CDKL5: variants seen among roughly 807,000 people sequenced by gnomAD.
The protein encoded by CDKL5 is cyclin-dependent kinase-like 5.
A neutral mutation model predicts 61.7 loss-of-function variants in CDKL5; 8 were observed. That is an observed-to-expected ratio of 0.13 (90% CI 0.08 to 0.23). CDKL5 has a LOEUF of 0.23. Among genes scored for constraint, CDKL5 ranks in the 10% least tolerant of loss-of-function variants. The probability of loss-of-function intolerance (pLI) is 1.00; values close to 1 mark genes in which losing one functional copy is unlikely to be tolerated. For synonymous variants in CDKL5, 275 were observed against 272.3 expected, an observed-to-expected ratio of 1.01 and a Z score of -0.10; for missense variants, 440 against 734.5, an observed-to-expected ratio of 0.60 and a Z score of 4.63.
intron 9 of CDKL5, among the ~76,000 whole-genome samples, chrX:18,590,923 T>G (rs762945838): frequency 8.9e-6 from 1 of 111,733 alleles, no homozygotes; most frequent in Non-Finnish European, 1.9e-5. Flanking sequence ...TGACCTCATC[T>G]CGTACCTATC....
chrX:18,527,745 C>T (rs1362205626), intron 3 of CDKL5, among the ~76,000 whole-genome samples: 3 of 110,647 alleles, frequency 2.7e-5, no homozygotes, highest in Non-Finnish European at 5.7e-5. Flanking sequence ...TTTTCTTCTC[C>T]GTGTTTTAGG....
chrX:18,481,865 G>A (rs904175221), intron 1 of CDKL5, among the ~76,000 whole-genome samples: 10 of 110,633 alleles, frequency 9.0e-5, no homozygotes, highest in Non-Finnish European at 1.9e-4. Flanking sequence ...CTGCTTGACC[G>A]GAATAGTTCC....
At chrX:18,436,432 CTG>C (rs765977679) in intron 1 of CDKL5, among the ~76,000 whole-genome samples, 2 of 111,420 alleles carry the variant, frequency 1.8e-5, no homozygotes, top group Non-Finnish European at 3.8e-5. Flanking sequence ...GTTGGAGAGT[CTG>C]TCCTTGGGGG....
chrX:18,534,997 C>T (rs1455753778), intron 3 of CDKL5: 2 of 112,058 alleles, frequency 1.8e-5, no homozygotes, highest in Non-Finnish European at 3.8e-5. Flanking sequence ...TTTACTTAGT[C>T]CCCCAATGAG....
intron 1 of CDKL5, among the ~76,000 whole-genome samples, chrX:18,474,965 T>G (rs776444453): frequency 4.7e-5 from 5 of 107,522 alleles, no homozygotes; most frequent in African/African-American, 1.7e-4. Context: ...GTTTTTTGGT[T>G]TTTTTTTTTT....
intron 4 of CDKL5, among the ~76,000 whole-genome samples, chrX:18,571,128 C>G (rs1012089287): frequency 3.6e-5 from 4 of 111,335 alleles, no homozygotes; most frequent in African/African-American, 1.3e-4. Flanking sequence ...GATGATGGAC[C>G]TCAGGCTCAA....
intron 4 of CDKL5, among the ~76,000 whole-genome samples, chrX:18,568,918 C>T (rs1240637959): frequency 9.0e-6 from 1 of 111,259 alleles, no homozygotes; most frequent in East Asian, 2.8e-4. Flanking sequence ...TGGTCTCAAA[C>T]TCCTGGGATC....
intron 1 of CDKL5, among the ~76,000 whole-genome samples, chrX:18,480,873 T>A (rs1215632687): frequency 7.2e-4 from 71 of 99,206 alleles, no homozygotes; most frequent in African/African-American, 2.4e-3. Context: ...TTTTTTTTTT[T>A]TGGAGAGGAA....
chrX:18,494,812 T>C (rs1922112514), intron 1 of CDKL5, among the ~76,000 whole-genome samples: 1 of 112,135 alleles, frequency 8.9e-6, no homozygotes, highest in Non-Finnish European at 1.9e-5. Context: ...TTTGATTTAA[T>C]AAGGGGGGAC....
downstream of CDKL5, chrX:18,644,302 A>G (rs373680863): frequency 5.1e-5 from 31 of 610,840 alleles, no homozygotes; most frequent in African/African-American, 3.1e-4. Flanking sequence ...ATTGTGGGGG[A>G]AAGCGCAGAT....
At position 18,634,550 on chromosome X, in the gene CDKL5, A is replaced by C. The variant is rs772481803; in HGVS notation, c.*5793A>C. Reference sequence around the variant, plus strand: ...GTAAGTAAGTTCTCCAGCACGGCTTAGGTTTTCCAAAATGGAAAGCAAAGC... The same window carrying C: ...GTAAGTAAGTTCTCCAGCACGGCTTCGGTTTTCCAAAATGGAAAGCAAAGC... On this transcript the variant is annotated 3_prime_UTR_variant, in exon 18 of 18. Transcript: ENST00000623535. 2.8e-5 allele frequency: 21 copies of C among 752,699 alleles called. No homozygotes were observed. Among genetic ancestry groups the C allele is most frequent in the Non-Finnish European group, 3.3e-5 (21 of 639,156 alleles). The allele number at this position is 752,699 out of a possible 1,213,427, so 62.0% of individuals were successfully genotyped here.
intron 1 of CDKL5, among the ~76,000 whole-genome samples, chrX:18,469,718 A>G (rs1921017584): frequency 9.0e-6 from 1 of 111,093 alleles, no homozygotes; most frequent in African/African-American, 3.3e-5. Flanking sequence ...AATGCTTAGT[A>G]TATATTCATT....
At chrX:18,458,843 C>T (rs1932210483) in intron 1 of CDKL5, among the ~76,000 whole-genome samples, 1 of 112,658 alleles carries the variant, frequency 8.9e-6, no homozygotes, top group Non-Finnish European at 1.9e-5. Flanking sequence ...ATAGAACATT[C>T]CCATCATTGC....
In CDKL5 at chrX:18,455,410, G is replaced by T. The variant is rs368641911; in HGVS notation, c.-163+29715G>T. ...GAATTGACAGTTTTGGGTAAGAAAT[G>T]CAACTGACTTTTGGATACAAAGCAT... is the stretch of plus-strand genomic sequence containing the variant. On this transcript the variant is annotated intron_variant, in intron 1 of 17. Coordinates refer to ENST00000623535, the MANE Select transcript of CDKL5 (RefSeq NM_001323289.2). Among the ~76,000 whole-genome samples the T allele has an allele frequency of 7.1e-5, 8 of 112,718 alleles. No individual in the cohort carries two copies. The East Asian group carries it at 1.7e-3, about 24-fold the overall frequency.
At chrX:18,471,210 G>A (rs1197193106) in intron 1 of CDKL5, among the ~76,000 whole-genome samples, 1 of 110,124 alleles carries the variant, frequency 9.1e-6, no homozygotes, top group Admixed American at 9.7e-5. Flanking sequence ...GTACATAGTA[G>A]GTATATATAT....
At chrX:18,467,185 G>A (rs774755164) in intron 1 of CDKL5, among the ~76,000 whole-genome samples, 21 of 109,763 alleles carry the variant, frequency 1.9e-4, no homozygotes, top group Admixed American at 3.9e-4. Flanking sequence ...ATAGGGTACC[G>A]AACTAAGGAA....
At chrX:18,587,128 G>A (rs1925666944) in intron 8 of CDKL5, among the ~76,000 whole-genome samples, 1 of 111,045 alleles carries the variant, frequency 9.0e-6, no homozygotes, top group South Asian at 3.7e-4. Context: ...TTAAAGCTTG[G>A]ATTATTTATG....
chrX:18,521,451 A>G (rs1216209929), intron 3 of CDKL5, among the ~76,000 whole-genome samples: 1 of 111,189 alleles, frequency 9.0e-6, no homozygotes, highest in Non-Finnish European at 1.9e-5. Flanking sequence ...ATGAAGATTT[A>G]TGGCTGTCTT....
intron 1 of CDKL5, among the ~76,000 whole-genome samples, chrX:18,497,083 C>T (rs1179180343): frequency 1.8e-5 from 2 of 109,243 alleles, no homozygotes; most frequent in African/African-American, 6.7e-5. Context: ...ACCTCTGCCT[C>T]CTGGGTTCAA....
Sources: allele counts gnomAD v4.1 joint callset (sites outside exome capture counted in the v4.1 genomes callset), GRCh38; gene constraint gnomAD v4.1.1; transcripts MANE v1.5; gene names NCBI Gene and HGNC (gene_info 2026-07-23, HGNC 2026-07-21).